SCHIP1: variants seen among roughly 807,000 people sequenced by gnomAD.
SCHIP1 encodes schwannomin-interacting protein 1.
Under a neutral mutation model 29.7 loss-of-function variants are expected in SCHIP1, and 8 were observed. The observed-to-expected ratio is 0.27, with a 90% CI of 0.16 to 0.49. The LOEUF (loss-of-function observed/expected upper bound fraction) is 0.49, where lower values mean the gene tolerates loss of function less well. Ranked by LOEUF, SCHIP1 falls within the 20% of genes least tolerant of loss-of-function variation. The pLI is 0.99. For synonymous variants in SCHIP1, 76 were observed against 94.9 expected (o/e 0.80, Z 1.16); for missense variants, 193 against 294.6 (o/e 0.66, Z 2.52).
the SCHIP1 span, among the ~76,000 whole-genome samples, chr3:159,491,815 C>A: frequency 6.6e-6 from 1 of 152,220 alleles, no homozygotes; most frequent in Non-Finnish European, 1.5e-5. Flanking sequence ...CAAGTGGGTC[C>A]CTGACCCCAA....
chr3:159,854,236 T>G (rs1713043042), intron 1 of SCHIP1, among the ~76,000 whole-genome samples: 1 of 152,230 alleles, frequency 6.6e-6, no homozygotes, highest in Admixed American at 6.5e-5. Flanking sequence ...GATAGAACAG[T>G]AAAACTTGCT....
the SCHIP1 span, among the ~76,000 whole-genome samples, chr3:159,570,746 T>G: frequency 6.6e-6 from 1 of 152,230 alleles, no homozygotes; most frequent in African/African-American, 2.4e-5. Context: ...AGTATGACCA[T>G]TTTCCCAACA....
the SCHIP1 span, chr3:159,764,391 G>A: frequency 1.4e-5 from 21 of 1,511,368 alleles, no homozygotes; most frequent in African/African-American, 2.8e-5. The surrounding 1 kb of genome is among the most constrained non-coding windows in gnomAD (Gnocchi z 6.1). Flanking sequence ...CGGGTGGCGG[G>A]AGGCTGGAGC....
chr3:159,532,993 AT>A, the SCHIP1 span, among the ~76,000 whole-genome samples: 1 of 152,244 alleles, frequency 6.6e-6, no homozygotes, highest in Non-Finnish European at 1.5e-5. Context: ...GTTACACCAT[AT>A]AAAAAATAAG....
At chr3:159,657,764 T>C in the SCHIP1 span, among the ~76,000 whole-genome samples, 1 of 152,334 alleles carries the variant, frequency 6.6e-6, no homozygotes, top group Admixed American at 6.5e-5. Context: ...AAGCAACTGA[T>C]AGGATTTGAG....
At chr3:159,802,344 A>G in the SCHIP1 span, among the ~76,000 whole-genome samples, 1 of 152,242 alleles carries the variant, frequency 6.6e-6, no homozygotes, top group Non-Finnish European at 1.5e-5. Context: ...CCTGGAGTGC[A>G]TTGTATCTAA....
the SCHIP1 span, among the ~76,000 whole-genome samples, chr3:159,425,263 CA>C: frequency 6.6e-6 from 1 of 152,086 alleles, no homozygotes; most frequent in Non-Finnish European, 1.5e-5. Context: ...GATAAAGAGT[CA>C]AGACCCATCA....
the SCHIP1 span, among the ~76,000 whole-genome samples, chr3:159,453,824 C>A: frequency 9.2e-5 from 14 of 152,318 alleles, no homozygotes; most frequent in Middle Eastern, 6.8e-3. Context: ...AAGCCTTCTG[C>A]TCATCCTTCA....
the SCHIP1 span, among the ~76,000 whole-genome samples, chr3:159,288,547 G>A: frequency 1.3e-5 from 2 of 152,158 alleles, no homozygotes; most frequent in South Asian, 4.1e-4. Context: ...AGATCAGCCT[G>A]ATCAACATGG....
chr3:159,768,952 T>C, the SCHIP1 span, among the ~76,000 whole-genome samples: 158 of 152,358 alleles, frequency 1.0e-3, 1 homozygote, highest in Admixed American at 7.5e-3. Context: ...GTCAGTGTGC[T>C]TCTCACAGTC....
chr3:159,517,763 T>G, the SCHIP1 span, among the ~76,000 whole-genome samples: 1 of 152,030 alleles, frequency 6.6e-6, no homozygotes, highest in Admixed American at 6.6e-5. Context: ...TCTTAATGGT[T>G]TCCAAAACCA....
chr3:159,670,723 C>T, the SCHIP1 span, among the ~76,000 whole-genome samples: 1 of 151,524 alleles, frequency 6.6e-6, no homozygotes, highest in Admixed American at 6.6e-5. Context: ...TACTTCATTG[C>T]TTTCCTCTAA....
At chr3:159,687,676 G>A in the SCHIP1 span, among the ~76,000 whole-genome samples, 1 of 152,098 alleles carries the variant, frequency 6.6e-6, no homozygotes, top group African/African-American at 2.4e-5. Flanking sequence ...AGGTATACAC[G>A]TGCCATGGTG....
the SCHIP1 span, among the ~76,000 whole-genome samples, chr3:159,732,658 C>CCAGGGCAGGG: frequency 1.3e-5 from 2 of 152,104 alleles, no homozygotes; most frequent in African/African-American, 4.8e-5. Context: ...TGAGGCATTT[C>CCAGGGCAGGG]CAGGGCAGGG....
chr3:159,581,169 CT>C, the SCHIP1 span, among the ~76,000 whole-genome samples: 14 of 152,132 alleles, frequency 9.2e-5, no homozygotes, highest in African/African-American at 2.9e-4. Flanking sequence ...CCCTATTCCT[CT>C]CTATAAGTGC....
At chr3:159,523,031 C>A in the SCHIP1 span, among the ~76,000 whole-genome samples, 9 of 152,176 alleles carry the variant, frequency 5.9e-5, no homozygotes, top group African/African-American at 1.7e-4. Flanking sequence ...CTGGCCTCAA[C>A]AACTATCACA....
the SCHIP1 span, among the ~76,000 whole-genome samples, chr3:159,334,462 T>C: frequency 2.5e-3 from 387 of 152,314 alleles, 10 homozygotes; most frequent in East Asian, 0.067. Flanking sequence ...TATTATTATT[T>C]TGGTATACAC....
At chr3:159,504,970 T>C in the SCHIP1 span, among the ~76,000 whole-genome samples, 1 of 152,088 alleles carries the variant, frequency 6.6e-6, no homozygotes, top group Non-Finnish European at 1.5e-5. Flanking sequence ...AGAAGGAAGA[T>C]TCAAAGGCCA....
chr3:159,645,741 C>T, the SCHIP1 span, among the ~76,000 whole-genome samples: 1 of 152,082 alleles, frequency 6.6e-6, no homozygotes, highest in South Asian at 2.1e-4. Flanking sequence ...TAGAGAAATA[C>T]CACTGAGCAA....
Sources: gnomAD v4.1 joint callset for allele counts (sites outside exome capture counted in the v4.1 genomes callset) on GRCh38, gnomAD v4.1.1 for gene constraint, Gnocchi (gnomAD v3.1) non-coding constraint, MANE v1.5 for transcripts, NCBI Gene and HGNC (gene_info 2026-07-23, HGNC 2026-07-21) for gene names.